CNTN4: variants seen among roughly 807,000 people sequenced by gnomAD.
CNTN4 encodes contactin 4.
In CNTN4, 77 loss-of-function variants were observed where a neutral mutation model predicts 122.5. The observed-to-expected ratio is 0.63, with a 90% confidence interval of 0.52 to 0.76. The LOEUF is 0.76. Among genes scored for constraint, CNTN4 ranks in the 30% least tolerant of loss-of-function variants. The pLI, the probability that CNTN4 is intolerant of heterozygous loss-of-function variation, is 0.00. For missense variants in CNTN4, 1,256 were observed against 1,259.1 expected, an observed-to-expected ratio of 1.00 and a Z score of 0.04; for synonymous variants, 512 against 447.0, an observed-to-expected ratio of 1.15 and a Z score of -1.83.
chr3:2,466,508 T>G (rs1388433763), intron 3 of CNTN4, among the ~76,000 whole-genome samples: 3 of 152,172 alleles, frequency 2.0e-5, no homozygotes, highest in Non-Finnish European at 4.4e-5. Flanking sequence ...GGGCAGTAAT[T>G]TTGTAAAGTA....
intron 4 of CNTN4, among the ~76,000 whole-genome samples, chr3:2,678,364 T>C (rs1392241453): frequency 6.6e-6 from 1 of 152,202 alleles, no homozygotes; most frequent in African/African-American, 2.4e-5. Context: ...ATAATATTGA[T>C]TATAACTTCT....
chr3:2,511,593 G>C (rs190243240), intron 3 of CNTN4: 13 of 152,370 alleles, frequency 8.5e-5, no homozygotes, highest in Non-Finnish European at 1.9e-4. Context: ...CCTGTTCTGC[G>C]TGGATGATCA....
intron 4 of CNTN4, chr3:2,629,476 G>T (rs1260220982): frequency 1.0e-5 from 4 of 395,800 alleles, no homozygotes; most frequent in Non-Finnish European, 2.0e-5. Context: ...TTCTGAATTT[G>T]ATTTTCTATT....
chr3:2,159,113 C>G (rs990531297), intron 2 of CNTN4, among the ~76,000 whole-genome samples: 4 of 152,058 alleles, frequency 2.6e-5, no homozygotes, highest in African/African-American at 7.2e-5. Context: ...CCTGGAGCAC[C>G]TTGACTCTCT....
chr3:2,733,658 C>T (rs184008535), intron 4 of CNTN4, among the ~76,000 whole-genome samples: 76 of 151,560 alleles, frequency 5.0e-4, no homozygotes, highest in African/African-American at 1.7e-3. Context: ...TTCAGCCTCC[C>T]GAGTGGCTGG....
Position 2,409,468 on chromosome 3 carries a change from C to T in CNTN4, c.-89+70235C>T, listed in dbSNP as rs191724660. ...TTCACTGTGTTAGCCAGGAGGGTCTCGAATTCCTGACCTTGTGATCTGCAC... is the reference window on the plus strand; with the variant it reads ...TTCACTGTGTTAGCCAGGAGGGTCTTGAATTCCTGACCTTGTGATCTGCAC... On this transcript the variant is annotated intron_variant, in intron 3 of 24. Transcript: ENST00000418658. Among the ~76,000 whole-genome samples, 408 of 152,046 alleles carry T rather than the reference C, an allele frequency of 2.7e-3. 4 individuals are homozygous for T. Among genetic ancestry groups the T allele is most frequent in the African/African-American group, 9.1e-3 (376 of 41,484 alleles).
Position 2,590,536 on chromosome 3 carries a change from T to G in CNTN4, c.55+18978T>G, listed in dbSNP as rs113075946. Among the ~76,000 whole-genome samples the G allele has an allele frequency of 4.2e-3, 637 of 152,004 alleles. 4 individuals are homozygous for G. Among genetic ancestry groups the G allele is most frequent in the African/African-American group, 0.014 (580 of 41,474 alleles). On this transcript the variant is annotated intron_variant, in intron 4 of 24. Transcript: ENST00000418658. ...ACTTTTCTGCTTGGGTGGCTTACTG[T>G]TACACATAGGATAAAATTTAGAGAT...
intron 3 of CNTN4, among the ~76,000 whole-genome samples, chr3:2,560,151 T>A (rs116063470): frequency 0.013 from 1,987 of 151,664 alleles, 29 homozygotes; most frequent in Middle Eastern, 0.041. Context: ...TTTTCTTTTT[T>A]TTTTTTAAGA....
chr3:2,187,169 A>G (rs972236309), intron 2 of CNTN4, among the ~76,000 whole-genome samples: 4 of 152,260 alleles, frequency 2.6e-5, no homozygotes, highest in Admixed American at 6.5e-5. Flanking sequence ...TCCCAGCACC[A>G]TTTATTAAAT....
At chr3:2,195,441 G>A (rs575971190) in intron 2 of CNTN4, among the ~76,000 whole-genome samples, 328 of 152,222 alleles carry the variant, frequency 2.2e-3, no homozygotes, top group Non-Finnish European at 3.7e-3. Context: ...TATAACCAGC[G>A]GTGGTATATA....
At chr3:2,440,690 G>A (rs543156086) in intron 3 of CNTN4, among the ~76,000 whole-genome samples, 31 of 151,004 alleles carry the variant, frequency 2.1e-4, no homozygotes, top group Admixed American at 6.0e-4. Context: ...ACACATATAC[G>A]TATATATATG....
At chr3:2,393,867 C>T (rs1035399483) in intron 3 of CNTN4, among the ~76,000 whole-genome samples, 3 of 151,494 alleles carry the variant, frequency 2.0e-5, no homozygotes, top group African/African-American at 7.3e-5. Flanking sequence ...TGCTACTACC[C>T]CCATCATTGT....
chr3:2,134,266 C>T (rs2125296305), intron 2 of CNTN4, among the ~76,000 whole-genome samples: 1 of 152,272 alleles, frequency 6.6e-6, no homozygotes, highest in Non-Finnish European at 1.5e-5. Flanking sequence ...GATTCTCTGT[C>T]CCCACAATGA....
At chr3:2,882,980 A>C in intron 8 of CNTN4, 165 bp from the exon 9 acceptor site, 3 of 582,254 alleles carry the variant, frequency 5.2e-6, no homozygotes, top group Non-Finnish European at 9.3e-6. Flanking sequence ...AACTGGGAGA[A>C]GAGCCACAAT....
intron 3 of CNTN4, among the ~76,000 whole-genome samples, chr3:2,548,751 A>G (rs986199401): frequency 3.3e-5 from 5 of 152,258 alleles, no homozygotes; most frequent in East Asian, 1.9e-4. Context: ...CATTGAGTCT[A>G]TAAATTACTT....
At chr3:2,736,827 C>G (rs1239532652) in intron 5 of CNTN4, among the ~76,000 whole-genome samples, 2 of 151,322 alleles carry the variant, frequency 1.3e-5, no homozygotes, top group East Asian at 3.9e-4. Context: ...GAGTCTCGCT[C>G]TGTCAGGAGT....
intron 23 of CNTN4, among the ~76,000 whole-genome samples, chr3:3,046,565 G>C (rs7633634): frequency 2.0e-5 from 3 of 151,796 alleles, no homozygotes; most frequent in Non-Finnish European, 4.4e-5. Context: ...ATCCTTTACA[G>C]ACAAGCAAAT....
At chr3:2,770,021 T>C (rs1282936494) in intron 6 of CNTN4, among the ~76,000 whole-genome samples, 1 of 143,184 alleles carries the variant, frequency 7.0e-6, no homozygotes, top group African/African-American at 2.8e-5. Context: ...CTCTTTTTGT[T>C]TGTTTGTTTG....
At chr3:2,300,165 A>G (rs2042452563) in intron 2 of CNTN4, among the ~76,000 whole-genome samples, 1 of 152,202 alleles carries the variant, frequency 6.6e-6, no homozygotes, top group Admixed American at 6.5e-5. Context: ...ATTTTATATT[A>G]CTGAGACATT....
Sources: allele counts gnomAD v4.1 joint callset (sites outside exome capture counted in the v4.1 genomes callset), GRCh38; gene constraint gnomAD v4.1.1; transcripts MANE v1.5; gene names NCBI Gene and HGNC (gene_info 2026-07-23, HGNC 2026-07-21).